Variants in ANTXR2 observed in about 807,000 individuals in gnomAD.
ANTXR2 encodes the protein ANTXR cell adhesion molecule 2.
A neutral mutation model predicts 73.7 loss-of-function variants in ANTXR2; 44 were observed. That is an observed-to-expected ratio of 0.60 (90% CI 0.47 to 0.77). ANTXR2 has a LOEUF of 0.77. ANTXR2 is among the 30% of genes least tolerant of loss of function. ANTXR2 has a pLI of 0.00. For synonymous variants in ANTXR2, 217 were observed against 205.9 expected (o/e 1.05, Z -0.46); for missense variants, 604 against 592.5 (o/e 1.02, Z -0.20).
At chr4:79,964,319 A>C (rs1729264629) in intron 16 of ANTXR2, among the ~76,000 whole-genome samples, 1 of 152,216 alleles carries the variant, frequency 6.6e-6, no homozygotes, top group African/African-American at 2.4e-5. Context: ...ATCAAAAAGG[A>C]GAACGCATGG....
rs1320336898 is a variant in ANTXR2 at position 79,978,071 on chromosome 4, G to A, written c.1283C>T (p.Pro428Leu). The A allele has an allele frequency of 6.2e-7, 1 of 1,613,558 alleles. No individual in the cohort carries two copies. Among genetic ancestry groups the A allele is most frequent in the South Asian group, 1.1e-5 (1 of 91,060 alleles). The change falls in exon 15 of 17, where the codon CCT becomes CTT. Residue 428 changes from proline (P) to leucine (L), a missense_variant. Pro to Leu is a moderately conservative substitution (Grantham distance 98). Coordinates refer to ENST00000403729, the MANE Select transcript of ANTXR2 (RefSeq NM_058172.6). The stretch of plus-strand genomic sequence containing the variant: ...TGTGGGTTTGGGTCGAGGTGGTCTA[G>A]GCCTGATGGGTTCCTCTGTTTCTTC... ...IPEETEEPIR[P>L]RPPRPKPTHQ...
At position 79,925,282 on chromosome 4, in the gene ANTXR2, C is replaced by CT. The variant is rs200498384; in HGVS notation, c.1429-17816dup. Reference sequence around the variant, plus strand: ...TTTACAGACTTAAATTATAGTCACTCTTTCCTTTTTTTTTTTTTAATGATG... The same window carrying CT: ...TTTACAGACTTAAATTATAGTCACTCTTTTCCTTTTTTTTTTTTTAATGATG... On this transcript the variant is annotated intron_variant, in intron 16 of 16. Coordinates refer to ENST00000403729, the MANE Select transcript of ANTXR2 (RefSeq NM_058172.6). 3.1e-4 allele frequency among the ~76,000 whole-genome samples: 28 copies of CT among 90,510 alleles called. No individual in the cohort carries two copies. In the East Asian group the frequency reaches 6.3e-3, roughly 21 times the overall value. 59.4% of individuals were successfully genotyped at this position (90,510 alleles called of 152,430 possible).
chr4:80,002,273 G>A (rs911994283), intron 12 of ANTXR2, among the ~76,000 whole-genome samples: 7 of 152,056 alleles, frequency 4.6e-5, no homozygotes, highest in East Asian at 1.9e-4. Flanking sequence ...ACAACTAACC[G>A]ATCTTTGACG....
At chr4:79,960,798 AT>A in intron 16 of ANTXR2, among the ~76,000 whole-genome samples, 1 of 151,954 alleles carries the variant, frequency 6.6e-6, no homozygotes, top group Non-Finnish European at 1.5e-5. Context: ...ATATGGAAAA[AT>A]TTTTAAAGAA....
At chr4:80,044,147 C>T (rs1033289406) in intron 7 of ANTXR2, among the ~76,000 whole-genome samples, 1 of 151,918 alleles carries the variant, frequency 6.6e-6, no homozygotes, top group South Asian at 2.1e-4. Flanking sequence ...TGAATAATAA[C>T]TGACGGTAAA....
intron 10 of ANTXR2, among the ~76,000 whole-genome samples, chr4:80,020,479 T>TATTTC (rs1732105952): frequency 6.6e-6 from 1 of 152,228 alleles, no homozygotes. Context: ...ATTCAGTTCT[T>TATTTC]ACTATTGCCA....
intron 16 of ANTXR2, among the ~76,000 whole-genome samples, chr4:79,946,702 C>G (rs770654672): frequency 6.6e-6 from 1 of 151,934 alleles, no homozygotes; most frequent in Non-Finnish European, 1.5e-5. Context: ...TGTATCAATT[C>G]GAGAAAATCA....
Position 79,906,127 on chromosome 4 carries a change from C to A in ANTXR2, c.*1302G>T, listed in dbSNP as rs1008349364. ...TCCTCCCCCACGGTGTTTCTGCTCA[C>A]GCTAACATAATTTGGCATCGTCGAC... On this transcript the variant is annotated 3_prime_UTR_variant, in exon 17 of 17. Transcript: ENST00000403729. 1.3e-5 allele frequency: 2 copies of A among 152,566 alleles called. No individual in the cohort carries two copies. Among genetic ancestry groups the A allele is most frequent in the Admixed American group, 6.6e-5 (1 of 15,256 alleles). 9.5% of individuals were successfully genotyped at this position (152,566 alleles called of 1,614,324 possible).
At chr4:80,013,055 A>T (rs1242215807) in intron 11 of ANTXR2, among the ~76,000 whole-genome samples, 2 of 152,192 alleles carry the variant, frequency 1.3e-5, no homozygotes, top group Admixed American at 6.5e-5. Flanking sequence ...TGGTATTGTT[A>T]TTGCAAAAGA....
chr4:79,917,796 T>C (rs923326542), intron 16 of ANTXR2, among the ~76,000 whole-genome samples: 1 of 152,008 alleles, frequency 6.6e-6, no homozygotes, highest in Admixed American at 6.6e-5. Flanking sequence ...CAATATCTAG[T>C]ATAAAATTAC....
chr4:79,902,967 T>C lies in ANTXR2; in HGVS notation c.*4462A>G, dbSNP rs974485555. 1.3e-5 allele frequency: 2 copies of C among 152,036 alleles called. No homozygotes were observed. The highest frequency in any genetic ancestry group is 2.9e-5 in the Non-Finnish European group (2 of 68,010). 9.4% of individuals were successfully genotyped at this position (152,036 alleles called of 1,614,324 possible). A position where few individuals can be genotyped will look rare whatever the true frequency, so the allele number is the denominator to read the frequency against. ...GTGTTTGAGACCAGTCTGAGCAACA[T>C]AGCGAAACCCCATTTCTACAAAAAT... On this transcript the variant is annotated 3_prime_UTR_variant, in exon 17 of 17. Coordinates refer to ENST00000403729, the MANE Select transcript of ANTXR2 (RefSeq NM_058172.6).
chr4:79,917,555 C>T (rs1355570582), intron 16 of ANTXR2, among the ~76,000 whole-genome samples: 9 of 152,074 alleles, frequency 5.9e-5, no homozygotes, highest in Admixed American at 4.6e-4. Flanking sequence ...AAGAGACCTC[C>T]GCTGCAACTT....
chr4:80,068,623 T>A (rs1022893976), intron 3 of ANTXR2, among the ~76,000 whole-genome samples: 3 of 151,858 alleles, frequency 2.0e-5, no homozygotes, highest in African/African-American at 7.3e-5. Flanking sequence ...AATACAAAAA[T>A]TGGCCAGGTG....
intron 3 of ANTXR2, among the ~76,000 whole-genome samples, chr4:80,065,341 A>G (rs1304072687): frequency 1.3e-5 from 2 of 152,162 alleles, no homozygotes; most frequent in East Asian, 1.9e-4. Context: ...ACCTAACCCT[A>G]TAATACATCC....
Position 80,072,569 on chromosome 4 carries a change from C to T in ANTXR2, c.-9G>A. The T allele has an allele frequency of 6.5e-7, 1 of 1,528,508 alleles. No homozygotes were observed. The highest frequency in any genetic ancestry group is 1.2e-5 in the South Asian group (1 of 81,130). 94.7% of individuals were successfully genotyped at this position (1,528,508 alleles called of 1,614,324 possible). Reference sequence around the variant, plus strand: ...GACCGCTCCGCCACCATCCTGCGGCCGGGGGCCTGAGACTCCCTCCCGCTC... The same window carrying T: ...GACCGCTCCGCCACCATCCTGCGGCTGGGGGCCTGAGACTCCCTCCCGCTC... On this transcript the variant is annotated 5_prime_UTR_variant, in exon 1 of 17. Transcript: ENST00000403729.
At chr4:80,049,694 C>A (rs1353552618) in intron 7 of ANTXR2, among the ~76,000 whole-genome samples, 1 of 151,682 alleles carries the variant, frequency 6.6e-6, no homozygotes, top group Non-Finnish European at 1.5e-5. Context: ...TTGCTCTATT[C>A]TTAGTCATTC....
At chr4:80,046,970 G>A (rs1035393212) in intron 7 of ANTXR2, among the ~76,000 whole-genome samples, 2 of 151,692 alleles carry the variant, frequency 1.3e-5, no homozygotes, top group Admixed American at 1.3e-4. Flanking sequence ...TTCTGCACCT[G>A]TTCAATTTCC....
At chr4:80,046,640 T>C (rs1235114944) in intron 7 of ANTXR2, among the ~76,000 whole-genome samples, 5 of 151,832 alleles carry the variant, frequency 3.3e-5, no homozygotes, top group Non-Finnish European at 5.9e-5. Flanking sequence ...TTTATTCCAT[T>C]TGATTTTTCA....
intron 6 of ANTXR2, among the ~76,000 whole-genome samples, chr4:80,054,559 A>AGAGTACCTT (rs549152927): frequency 5.6e-4 from 84 of 151,280 alleles, no homozygotes; most frequent in African/African-American, 2.0e-3. Flanking sequence ...GAGATCAGTC[A>AGAGTACCTT]GAGTACCTTT....
Sources: gnomAD v4.1 joint callset for allele counts (sites outside exome capture counted in the v4.1 genomes callset) on GRCh38, gnomAD v4.1.1 for gene constraint, MANE v1.5 for transcripts, NCBI Gene and HGNC (gene_info 2026-07-23, HGNC 2026-07-21) for gene names.